TPD52L2: variants seen among roughly 807,000 people sequenced by gnomAD.
TPD52L2 encodes the protein TPD52 like 2.
Under a neutral mutation model 24.7 loss-of-function variants are expected in TPD52L2, and 19 were observed. The observed-to-expected ratio is 0.77, with a 90% CI of 0.54 to 1.13. TPD52L2 has a LOEUF of 1.13. Ranked by LOEUF, TPD52L2 falls within the 50% of genes most tolerant of loss-of-function variation. TPD52L2 has a pLI of 0.00. For missense variants in TPD52L2, 236 were observed against 250.4 expected (o/e 0.94, Z 0.39); for synonymous variants, 104 against 100.2 (o/e 1.04, Z -0.23).
intron 1 of TPD52L2, among the ~76,000 whole-genome samples, chr20:63,868,718 C>T (rs567316302): frequency 5.3e-5 from 8 of 152,146 alleles, no homozygotes; most frequent in East Asian, 1.9e-4. Flanking sequence ...CCAAGGCGGG[C>T]GGATCACCCG....
intron 5 of TPD52L2, among the ~76,000 whole-genome samples, chr20:63,884,883 G>T (rs79208229): frequency 0.064 from 9,765 of 152,294 alleles, 527 homozygotes; most frequent in Non-Finnish European, 0.088. Flanking sequence ...GGAGGGTCCT[G>T]TTTGCTGGTG....
At chr20:63,886,239 C>T (rs1014149707) in intron 5 of TPD52L2, among the ~76,000 whole-genome samples, 7 of 152,158 alleles carry the variant, frequency 4.6e-5, no homozygotes, top group African/African-American at 1.4e-4. Flanking sequence ...CGCAGAGGCC[C>T]CCCGGAACCC....
Position 63,869,345 on chromosome 20 carries a change from G to C in TPD52L2, c.69G>C (p.Thr23=). 6.2e-7 allele frequency: 1 copy of C among 1,614,144 alleles called. No homozygotes were observed. The highest frequency in any genetic ancestry group is 2.2e-5 in the East Asian group (1 of 44,882). The change falls in exon 2 of 7, where the codon ACG becomes ACC. Residue 23 remains threonine, a synonymous_variant. Transcript: ENST00000346249. ...PNKGLLSDSM[T]DVPVDTGVAA... is the part of the protein sequence containing the mutation. ...AAGGTCTGCTGTCTGACTCCATGAC[G>C]GATGTTCCTGTCGACACAGGTGTGG...
At chr20:63,880,618 C>CAAATTTAGCAGGGCGTGGT (rs2052856844) in intron 4 of TPD52L2, among the ~76,000 whole-genome samples, 1 of 152,190 alleles carries the variant, frequency 6.6e-6, no homozygotes, top group Non-Finnish European at 1.5e-5. Context: ...GGGCTGGGCA[C>CAAATTTAGCAGGGCGTGGT]GGTGGCTCAC....
rs537416441 is a variant in TPD52L2, at chr20:63,885,590, C to T, written c.476+2770C>T. On this transcript the variant is annotated intron_variant, in intron 5 of 6. Transcript: ENST00000346249. ...TGATTTGGGGAACACGGGCCGCTCT[C>T]GTTCTGTGGAGCTGGCCAAGCCCAG... is the stretch of plus-strand genomic sequence containing the variant. 7.9e-5 allele frequency among the ~76,000 whole-genome samples: 12 copies of T among 152,356 alleles called. No homozygotes were observed. The East Asian group carries it at 1.2e-3, about 15-fold the overall frequency.
At chr20:63,886,502 C>T (rs1177850458) in intron 5 of TPD52L2, among the ~76,000 whole-genome samples, 11 of 151,952 alleles carry the variant, frequency 7.2e-5, no homozygotes, top group Admixed American at 2.6e-4. Flanking sequence ...GCTGGGACTA[C>T]AGGCGCCCGC....
chr20:63,874,482 TC>T (rs1043271116), intron 3 of TPD52L2, among the ~76,000 whole-genome samples: 1 of 151,626 alleles, frequency 6.6e-6, no homozygotes, highest in African/African-American at 2.4e-5. Context: ...CAAGCAATCC[TC>T]CCAACTCAAC....
At chr20:63,883,678 C>G (rs894633228) in intron 5 of TPD52L2, among the ~76,000 whole-genome samples, 11 of 152,152 alleles carry the variant, frequency 7.2e-5, no homozygotes, top group African/African-American at 2.7e-4. Context: ...CCCTGTAGCT[C>G]TGACCCAATC....
chr20:63,881,368 A>G (rs1019527540), intron 4 of TPD52L2, among the ~76,000 whole-genome samples: 6 of 151,554 alleles, frequency 4.0e-5, no homozygotes, highest in African/African-American at 1.5e-4. Flanking sequence ...TCAAAAAAAA[A>G]AAAAAGAAAG....
chr20:63,874,662 A>T (rs2052598711), intron 3 of TPD52L2, among the ~76,000 whole-genome samples: 1 of 152,184 alleles, frequency 6.6e-6, no homozygotes, highest in African/African-American at 2.4e-5. Flanking sequence ...CGTGTGAGCC[A>T]CCACATCCGG....
chr20:63,873,573 G>A (rs188118187), intron 2 of TPD52L2, 95 bp from the exon 3 acceptor site: 55 of 1,399,250 alleles, frequency 3.9e-5, no homozygotes, highest in South Asian at 2.2e-4. Flanking sequence ...TTTGGTAAGC[G>A]GAAAGTTCTT....
At chr20:63,870,535 T>G (rs1275215650) in intron 2 of TPD52L2, among the ~76,000 whole-genome samples, 2 of 142,924 alleles carry the variant, frequency 1.4e-5, no homozygotes, top group South Asian at 2.3e-4. Context: ...TTTTTTTTTT[T>G]TTTTTTTTTT....
At chr20:63,882,251 G>A (rs1032531873) in intron 4 of TPD52L2, among the ~76,000 whole-genome samples, 5 of 152,380 alleles carry the variant, frequency 3.3e-5, no homozygotes, top group Admixed American at 1.3e-4. Flanking sequence ...AAACTTGCAC[G>A]CATGGGCCGG....
chr20:63,868,451 C>G, intron 1 of TPD52L2, among the ~76,000 whole-genome samples: 1 of 152,202 alleles, frequency 6.6e-6, no homozygotes, highest in East Asian at 1.9e-4. Context: ...CACCTCTCTG[C>G]CTGCTGGCGG....
chr20:63,870,881 C>A (rs910755545), intron 2 of TPD52L2, among the ~76,000 whole-genome samples: 2 of 151,798 alleles, frequency 1.3e-5, no homozygotes, highest in Admixed American at 1.3e-4. Context: ...CCCTGCCCAT[C>A]TAATTTTCGT....
rs2053304817 is a variant in TPD52L2 at position 63,891,108 on chromosome 20, TA to T, written c.*1166del. 6.5e-6 allele frequency: 1 copy of T among 152,766 alleles called. No individual in the cohort carries two copies. The highest frequency in any genetic ancestry group is 2.1e-4 in the South Asian group (1 of 4,830). The allele number at this position is 152,766 out of a possible 1,614,324, so 9.5% of individuals were successfully genotyped here. On this transcript the variant is annotated 3_prime_UTR_variant, in exon 7 of 7. Transcript: ENST00000346249. This position sits in a 1 kb window ranked among gnomAD's most constrained non-coding sequence, Gnocchi z 4.7. ...AGCTACAAAGATCTCTTCCTGTTAC[TA>T]AATAGTCGCACCCCAGCAGCCTCTC...
At chr20:63,882,197 C>G (rs1388473571) in intron 4 of TPD52L2, among the ~76,000 whole-genome samples, 1 of 152,258 alleles carries the variant, frequency 6.6e-6, no homozygotes, top group Non-Finnish European at 1.5e-5. Context: ...GTTGAGCTTG[C>G]ATTTTCTCCC....
Position 63,889,896 on chromosome 20 carries a change from C to T in TPD52L2, c.572C>T (p.Ser191Phe). Residue 191 changes from serine to phenylalanine, a missense_variant, in exon 7 of 7, where the codon TCC becomes TTC. Coordinates refer to ENST00000346249, the MANE Select transcript of TPD52L2 (RefSeq NM_003288.4). The part of the protein sequence containing the change: ...DRENGSDNLP[S>F]SAGSGDKPLS... ...GAGAACGGCAGTGACAACCTCCCTT[C>T]CTCAGCGGGGAGTGGTGACAAGCCC... 1 of 1,614,216 alleles carries T rather than the reference C, an allele frequency of 6.2e-7. No homozygotes were observed. The highest frequency in any genetic ancestry group is 8.5e-7 in the Non-Finnish European group (1 of 1,180,040).
chr20:63,868,640 T>C (rs2052348827), intron 1 of TPD52L2, among the ~76,000 whole-genome samples: 1 of 152,192 alleles, frequency 6.6e-6, no homozygotes, highest in Non-Finnish European at 1.5e-5. Context: ...TAGGTTCCTT[T>C]TTTTAAAAAA....
Sources: allele counts gnomAD v4.1 joint callset (sites outside exome capture counted in the v4.1 genomes callset), GRCh38; gene constraint gnomAD v4.1.1; non-coding constraint Gnocchi (gnomAD v3.1); transcripts MANE v1.5; gene names NCBI Gene and HGNC (gene_info 2026-07-23, HGNC 2026-07-21).